The following ADAMTSL1 variants were observed in gnomAD, a reference collection of about 807,000 sequenced individuals.
The protein encoded by ADAMTSL1 is ADAMTS-like protein 1.
A neutral mutation model predicts 201.8 loss-of-function variants in ADAMTSL1; 126 were observed. The ratio of observed to expected loss-of-function variants is 0.62; its 90% CI spans 0.54 to 0.72. The LOEUF (loss-of-function observed/expected upper bound fraction) is 0.72. Ranked by LOEUF, ADAMTSL1 falls within the 30% of genes least tolerant of loss-of-function variation. The pLI is 0.00. For synonymous variants in ADAMTSL1, 1,121 were observed against 903.4 expected, an observed-to-expected ratio of 1.24 and a Z score of -4.32; for missense variants, 2,679 against 2,277.8, an observed-to-expected ratio of 1.18 and a Z score of -3.59.
At chr9:18,378,659 CCTT>C (rs1390169357) in intron 2 of ADAMTSL1, among the ~76,000 whole-genome samples, 1 of 152,178 alleles carries the variant, frequency 6.6e-6, no homozygotes, top group Non-Finnish European at 1.5e-5. Context: ...AGCTTTCCCT[CCTT>C]CTTCCTTCTC....
chr9:18,835,081 G>A (rs938477604), intron 23 of ADAMTSL1, among the ~76,000 whole-genome samples: 195 of 152,182 alleles, frequency 1.3e-3, no homozygotes, highest in African/African-American at 4.2e-3. Flanking sequence ...TTACATTCCC[G>A]CCAGCAGTGT....
intron 3 of ADAMTSL1, among the ~76,000 whole-genome samples, chr9:18,569,517 G>T (rs1231463855): frequency 6.6e-6 from 1 of 152,116 alleles, no homozygotes; most frequent in African/African-American, 2.4e-5. Flanking sequence ...TTGGAAATAG[G>T]CAGGAAACCA....
chr9:18,490,938 G>T (rs1462590039), intron 1 of ADAMTSL1, among the ~76,000 whole-genome samples: 1 of 152,198 alleles, frequency 6.6e-6, no homozygotes, highest in Non-Finnish European at 1.5e-5. Context: ...GAACTGAAAG[G>T]AAGGGAGGCA....
In ADAMTSL1 at chr9:17,994,010, A is replaced by AT. The variant is rs201910538; in HGVS notation, c.87+87096dup. Among the ~76,000 whole-genome samples the AT allele has an allele frequency of 7.2e-3, 1,095 of 151,060 alleles. 14 individuals are homozygous for AT. Among genetic ancestry groups the AT allele is most frequent in the African/African-American group, 0.025 (1,025 of 41,076 alleles). On this transcript the variant is annotated intron_variant, in intron 1 of 29. Transcript: ENST00000680146. ...ATGTTTGGTGAGTTTTTTTAATTCGATTTTTTTTGCCCCTCAGTAATACAG... is the reference window on the plus strand; with the variant it reads ...ATGTTTGGTGAGTTTTTTTAATTCGATTTTTTTTTGCCCCTCAGTAATACAG...
At chr9:17,986,172 AAGGGGT>A (rs1223989167) in intron 1 of ADAMTSL1, among the ~76,000 whole-genome samples, 3 of 152,046 alleles carry the variant, frequency 2.0e-5, no homozygotes, top group Non-Finnish European at 4.4e-5. Flanking sequence ...AATGGTTTCC[AAGGGGT>A]ATGCTTTAAG....
At chr9:18,757,789 G>C (rs1329411428) in intron 16 of ADAMTSL1, among the ~76,000 whole-genome samples, 1 of 152,150 alleles carries the variant, frequency 6.6e-6, no homozygotes, top group Non-Finnish European at 1.5e-5. Context: ...TGAAGGCAGA[G>C]ACCAAGTCTC....
chr9:18,675,992 T>C (rs759517044), intron 10 of ADAMTSL1, 85 bp downstream of exon 10: 21 of 1,235,686 alleles, frequency 1.7e-5, no homozygotes, highest in Non-Finnish European at 2.5e-5. Flanking sequence ...TACATATACA[T>C]AGAGAGAGAG....
intron 3 of ADAMTSL1, among the ~76,000 whole-genome samples, chr9:18,549,089 G>GA (rs1397604162): frequency 2.6e-5 from 4 of 151,750 alleles, no homozygotes; most frequent in African/African-American, 2.4e-5. Context: ...TTCCAGAAAG[G>GA]AAAAAAATAG....
At chr9:18,735,222 G>A (rs1002750822) in intron 15 of ADAMTSL1, among the ~76,000 whole-genome samples, 2 of 152,168 alleles carry the variant, frequency 1.3e-5, no homozygotes, top group Admixed American at 6.5e-5. Flanking sequence ...ATGGAAGACA[G>A]AAGGACCACA....
intron 2 of ADAMTSL1, among the ~76,000 whole-genome samples, chr9:18,432,729 C>T (rs1819552554): frequency 6.6e-6 from 1 of 152,152 alleles, no homozygotes; most frequent in African/African-American, 2.4e-5. Context: ...TTAGTACCGG[C>T]TCTGAAACTC....
At chr9:18,087,600 G>T (rs879438239) in intron 1 of ADAMTSL1, among the ~76,000 whole-genome samples, 8 of 151,932 alleles carry the variant, frequency 5.3e-5, no homozygotes, top group Non-Finnish European at 1.0e-4. Flanking sequence ...AAAATTTAAA[G>T]TTTTCTATTA....
chr9:18,661,982 G>A lies in ADAMTSL1; in HGVS notation c.994G>A (p.Val332Met), dbSNP rs574508977. The A allele has an allele frequency of 3.1e-6, 5 of 1,613,778 alleles. No individual in the cohort carries two copies. The highest frequency in any genetic ancestry group is 4.2e-6 in the Non-Finnish European group (5 of 1,179,666). The change falls in exon 9 of 29, where the codon GTG (valine) becomes ATG (methionine). Residue 332 changes from valine (V) to methionine (M), a missense_variant. By Grantham distance (21) the Val-to-Met change is conservative (BLOSUM62 1). Coordinates refer to ENST00000380548, the MANE Select transcript of ADAMTSL1 (RefSeq NM_001040272.6). ...GTGCTACGATCTGAGGAGCAACCGT[G>A]TGGTTGCTGACCAATACTGTCACTA... ...AECYDLRSNR[V>M]VADQYCHYYP...
intron 4 of ADAMTSL1, 102 bp from the exon 5 acceptor site, chr9:18,622,141 C>T: frequency 6.7e-7 from 1 of 1,483,436 alleles, no homozygotes; most frequent in Non-Finnish European, 9.1e-7. Context: ...GTTTTAGGCC[C>T]CTCAGGGATG....
intron 1 of ADAMTSL1, among the ~76,000 whole-genome samples, chr9:18,486,255 C>A (rs141286944): frequency 6.6e-6 from 1 of 152,312 alleles, no homozygotes; most frequent in East Asian, 1.9e-4. Flanking sequence ...TCGGGAACAA[C>A]CAATGTATCT....
chr9:17,984,245 G>T (rs1005161674), intron 1 of ADAMTSL1, among the ~76,000 whole-genome samples: 2 of 151,990 alleles, frequency 1.3e-5, no homozygotes, highest in Non-Finnish European at 2.9e-5. Context: ...ACAAAAAGAT[G>T]TAAGGAATGA....
At chr9:17,982,931 T>C (rs1818769585) in intron 1 of ADAMTSL1, among the ~76,000 whole-genome samples, 1 of 151,934 alleles carries the variant, frequency 6.6e-6, no homozygotes, top group Non-Finnish European at 1.5e-5. Context: ...ATATTACCAT[T>C]ATATGAACAG....
At chr9:18,849,416 C>A (rs1425176781) in intron 23 of ADAMTSL1, among the ~76,000 whole-genome samples, 2 of 152,202 alleles carry the variant, frequency 1.3e-5, no homozygotes, top group African/African-American at 4.8e-5. Flanking sequence ...AGTGAATACC[C>A]TGGGCCACAG....
At chr9:18,325,637 C>A (rs905602602) in intron 2 of ADAMTSL1, among the ~76,000 whole-genome samples, 5 of 152,118 alleles carry the variant, frequency 3.3e-5, no homozygotes, top group African/African-American at 1.2e-4. Flanking sequence ...AAGGTGCTAG[C>A]CTCTGATCTG....
chr9:17,931,746 G>A (rs1172429727), intron 1 of ADAMTSL1, among the ~76,000 whole-genome samples: 1 of 152,100 alleles, frequency 6.6e-6, no homozygotes, highest in Non-Finnish European at 1.5e-5. Flanking sequence ...AGCAGATGAG[G>A]GAGGTCATGG....
Sources: allele counts gnomAD v4.1 joint callset (sites outside exome capture counted in the v4.1 genomes callset), GRCh38; gene constraint gnomAD v4.1.1; transcripts MANE v1.5; gene names NCBI Gene and HGNC (gene_info 2026-07-23, HGNC 2026-07-21).